Variants in LRP1B observed in about 807,000 individuals in gnomAD.
LRP1B encodes the protein low-density lipoprotein receptor-related protein 1B.
LRP1B carries 217 observed loss-of-function variants against 556.6 expected under a neutral mutation model. That is an observed-to-expected ratio of 0.39 (90% CI 0.35 to 0.44). The LOEUF is 0.44. LRP1B is among the 20% of genes least tolerant of loss of function. The probability of loss-of-function intolerance (pLI) is 1.00; values close to 1 mark genes in which losing one functional copy is unlikely to be tolerated. For synonymous variants in LRP1B, 2,047 were observed against 1,865.8 expected, an observed-to-expected ratio of 1.10 and a Z score of -2.50; for missense variants, 5,053 against 5,620.8, an observed-to-expected ratio of 0.90 and a Z score of 3.23.
chr2:141,373,597 C>T (rs1267152645), intron 3 of LRP1B, among the ~76,000 whole-genome samples: 2 of 151,206 alleles, frequency 1.3e-5, no homozygotes, highest in South Asian at 2.1e-4. Flanking sequence ...ACATAATCAC[C>T]TTTTTTTTAA....
At chr2:141,314,883 T>TATAC (rs1686957970) in intron 3 of LRP1B, among the ~76,000 whole-genome samples, 1 of 119,268 alleles carries the variant, frequency 8.4e-6, no homozygotes, top group African/African-American at 3.4e-5. Flanking sequence ...TACATACATA[T>TATAC]ATACATATAT....
chr2:140,543,905 T>C (rs1286503062), intron 43 of LRP1B, among the ~76,000 whole-genome samples: 1 of 151,956 alleles, frequency 6.6e-6, no homozygotes, highest in African/African-American at 2.4e-5. Flanking sequence ...GAAATTGAAA[T>C]AGGAAATAAC....
At chr2:140,913,768 T>C (rs1365671303) in intron 21 of LRP1B, among the ~76,000 whole-genome samples, 1 of 152,080 alleles carries the variant, frequency 6.6e-6, no homozygotes, top group Non-Finnish European at 1.5e-5. Flanking sequence ...AAGCATTACC[T>C]TGTTTATAAT....
chr2:141,359,669 T>C (rs1688747148), intron 3 of LRP1B, among the ~76,000 whole-genome samples: 1 of 152,044 alleles, frequency 6.6e-6, no homozygotes, highest in Non-Finnish European at 1.5e-5. Context: ...GGCAGGAGAA[T>C]CGCTTGAACC....
chr2:141,191,022 C>G (rs1417779674), intron 6 of LRP1B, among the ~76,000 whole-genome samples: 1 of 151,916 alleles, frequency 6.6e-6, no homozygotes, highest in African/African-American at 2.4e-5. Flanking sequence ...AAAGAAACAT[C>G]CTTATTTCCA....
chr2:141,915,806 G>A (rs1665276722), intron 1 of LRP1B, among the ~76,000 whole-genome samples: 1 of 152,064 alleles, frequency 6.6e-6, no homozygotes, highest in Admixed American at 6.6e-5. Context: ...AGACAGACAA[G>A]TGGCCAACAA....
At chr2:141,171,836 G>A (rs190685851) in intron 7 of LRP1B, among the ~76,000 whole-genome samples, 10 of 152,150 alleles carry the variant, frequency 6.6e-5, no homozygotes, top group African/African-American at 1.4e-4. Context: ...TGAAGATTGC[G>A]TGGATCAATG....
chr2:142,052,563 C>T (rs1186156631), intron 1 of LRP1B, among the ~76,000 whole-genome samples: 1 of 152,124 alleles, frequency 6.6e-6, no homozygotes, highest in Non-Finnish European at 1.5e-5. Context: ...CCAACAACCC[C>T]TTACTTTAAG....
chr2:141,199,625 G>A (rs766284977), intron 6 of LRP1B, among the ~76,000 whole-genome samples: 2 of 152,050 alleles, frequency 1.3e-5, no homozygotes, highest in Non-Finnish European at 2.9e-5. Flanking sequence ...TTGAAAAAAG[G>A]CAAAGACACT....
rs1337342691 is a variant in LRP1B at position 141,188,455 on chromosome 2, T to G, written c.979A>C (p.Asn327His). The G allele has an allele frequency of 6.2e-7, 1 of 1,612,622 alleles. No individual in the cohort carries two copies. Among genetic ancestry groups the G allele is most frequent in the South Asian group, 1.1e-5 (1 of 91,024 alleles). The change falls in exon 7 of 91, where the codon AAT becomes CAT. Residue 327 changes from asparagine to histidine, a missense_variant. This residue lies in a region of LRP1B where 3,619 missense variants were observed against 3,931.9 expected (regional missense o/e 0.92). Transcript: ENST00000389484. ...GGATCTACTGCTATTGCTTTAGGAT[T>G]GTGAAGCTCCAGATCAATCAGGGTG... ...CVTLIDLELH[N>H]PKAIAVDPIA...
chr2:141,132,494 T>C (rs1325871802), intron 7 of LRP1B, among the ~76,000 whole-genome samples: 1 of 151,966 alleles, frequency 6.6e-6, no homozygotes, highest in Non-Finnish European at 1.5e-5. Context: ...CCTACAAAAC[T>C]GAGATCTAAA....
At chr2:141,779,237 G>A (rs1695167302) in intron 2 of LRP1B, among the ~76,000 whole-genome samples, 1 of 151,948 alleles carries the variant, frequency 6.6e-6, no homozygotes, top group African/African-American at 2.4e-5. Flanking sequence ...AAGAATCCTG[G>A]TTCTAAAATT....
At chr2:140,489,247 G>A (rs1291676249) in intron 57 of LRP1B, among the ~76,000 whole-genome samples, 2 of 151,870 alleles carry the variant, frequency 1.3e-5, no homozygotes, top group African/African-American at 2.4e-5. Context: ...TTTTCTTGAG[G>A]TCCAGATTAC....
chr2:140,361,365 T>TATATATATATATAC (rs1558829163), intron 72 of LRP1B, among the ~76,000 whole-genome samples: 3 of 130,698 alleles, frequency 2.3e-5, no homozygotes, highest in Non-Finnish European at 5.0e-5. Flanking sequence ...TATATATATA[T>TATATATATATATAC]ATATATATAT....
intron 77 of LRP1B, among the ~76,000 whole-genome samples, chr2:140,347,130 G>A (rs953484576): frequency 1.3e-5 from 2 of 151,464 alleles, no homozygotes; most frequent in African/African-American, 2.4e-5. Context: ...TTTTTGTATA[G>A]CATTTCATAC....
chr2:141,610,622 G>T (rs191258168), intron 2 of LRP1B, among the ~76,000 whole-genome samples: 2 of 152,052 alleles, frequency 1.3e-5, no homozygotes, highest in African/African-American at 4.8e-5. Context: ...GCGTAACCTC[G>T]TGGTAACTCT....
intron 43 of LRP1B, among the ~76,000 whole-genome samples, chr2:140,587,520 A>G (rs1263038713): frequency 1.3e-5 from 2 of 152,216 alleles, no homozygotes; most frequent in African/African-American, 2.4e-5. Context: ...GTATCTAAAA[A>G]GTCAGACTCT....
At chr2:140,438,988 A>T (rs1686309312) in intron 66 of LRP1B, among the ~76,000 whole-genome samples, 1 of 152,230 alleles carries the variant, frequency 6.6e-6, no homozygotes, top group Non-Finnish European at 1.5e-5. Context: ...AGAACTAAGA[A>T]TCTAAACTGT....
At chr2:141,930,407 G>A (rs1024992668) in intron 1 of LRP1B, among the ~76,000 whole-genome samples, 3 of 151,992 alleles carry the variant, frequency 2.0e-5, no homozygotes, top group Admixed American at 2.0e-4. Context: ...TGTCCTAAAT[G>A]CCATAATTAT....
Sources: allele counts gnomAD v4.1 joint callset (sites outside exome capture counted in the v4.1 genomes callset), GRCh38; gene constraint gnomAD v4.1.1; regional missense constraint gnomAD v4.1.1; transcripts MANE v1.5; gene names NCBI Gene and HGNC (gene_info 2026-07-23, HGNC 2026-07-21).